Variants in RANBP10 observed in about 807,000 individuals in gnomAD.
RANBP10 encodes ran-binding protein 10.
A neutral mutation model predicts 72.8 loss-of-function variants in RANBP10; 24 were observed. The ratio of observed to expected loss-of-function variants is 0.33; its 90% CI spans 0.24 to 0.46. The LOEUF (loss-of-function observed/expected upper bound fraction) is 0.46. RANBP10 is among the 20% of genes least tolerant of loss of function. The pLI is 1.00. For synonymous variants in RANBP10, 310 were observed against 322.3 expected (o/e 0.96, Z 0.41); for missense variants, 679 against 817.5 (o/e 0.83, Z 2.07).
intron 2 of RANBP10, among the ~76,000 whole-genome samples, chr16:67,804,532 G>C (rs1020580239): frequency 7.9e-5 from 12 of 152,130 alleles, no homozygotes; most frequent in Admixed American, 7.2e-4. Flanking sequence ...CTCCCAAGTA[G>C]CTGGGATTAC....
At chr16:67,736,228 T>A (rs1278005098) in intron 5 of RANBP10, among the ~76,000 whole-genome samples, 1 of 151,950 alleles carries the variant, frequency 6.6e-6, no homozygotes, top group Non-Finnish European at 1.5e-5. Flanking sequence ...ATGGCGCGAT[T>A]TCAGCTCACC....
intron 2 of RANBP10, among the ~76,000 whole-genome samples, chr16:67,790,903 T>C (rs1216303515): frequency 6.6e-6 from 1 of 151,616 alleles, no homozygotes; most frequent in Non-Finnish European, 1.5e-5. Context: ...TCTCATCATG[T>C]TGACCAGGCT....
chr16:67,729,153 T>C lies in RANBP10; in HGVS notation c.1352+127A>G. 6.7e-7 allele frequency: 1 copy of C among 1,492,938 alleles called. No homozygotes were observed. The highest frequency in any genetic ancestry group is 1.4e-5 in the African/African-American group (1 of 71,176). 92.5% of individuals were successfully genotyped at this position (1,492,938 alleles called of 1,614,324 possible). A position where few individuals can be genotyped will look rare whatever the true frequency, so the allele number is the denominator to read the frequency against. ...ATGTCTGGCCCGGTGGGCCAAAAATTAGGACTCCAGGCACAGACCTGAGAT... is the reference window on the plus strand; with the variant it reads ...ATGTCTGGCCCGGTGGGCCAAAAATCAGGACTCCAGGCACAGACCTGAGAT... On this transcript the variant is annotated intron_variant, in intron 10 of 13. Transcript: ENST00000317506. The surrounding 1 kb of genome is among the most constrained non-coding windows in gnomAD (Gnocchi z 7.1).
chr16:67,772,148 C>A, intron 2 of RANBP10, 62 bp from the exon 3 acceptor site: 1 of 1,530,270 alleles, frequency 6.5e-7, no homozygotes, highest in South Asian at 1.2e-5. Context: ...ATGCGTCTCC[C>A]TTCTCAAACA....
At chr16:67,752,443 T>C (rs2054214735) in intron 3 of RANBP10, among the ~76,000 whole-genome samples, 1 of 152,158 alleles carries the variant, frequency 6.6e-6, no homozygotes, top group African/African-American at 2.4e-5. Context: ...CCTGCCAATA[T>C]CTGGATTTTA....
At chr16:67,775,734 G>C (rs1394820776) in intron 2 of RANBP10, among the ~76,000 whole-genome samples, 1 of 139,444 alleles carries the variant, frequency 7.2e-6, no homozygotes, top group East Asian at 2.3e-4. Context: ...GAGCCCAGGA[G>C]ATCAAGACTG....
At chr16:67,762,541 T>C (rs927171168) in intron 3 of RANBP10, 1 of 152,146 alleles carries the variant, frequency 6.6e-6, no homozygotes, top group Non-Finnish European at 1.5e-5. Context: ...TATTTCCCCA[T>C]ATGACCAAAT....
At chr16:67,731,249 A>G in intron 7 of RANBP10, 1 of 481,858 alleles carries the variant, frequency 2.1e-6, no homozygotes, top group South Asian at 2.3e-5. Flanking sequence ...AGCCTTCAGA[A>G]TGTGCATTAG....
intron 2 of RANBP10, among the ~76,000 whole-genome samples, chr16:67,795,909 AT>A (rs933597465): frequency 1.3e-4 from 20 of 148,854 alleles, no homozygotes; most frequent in African/African-American, 5.0e-4. Context: ...AAATAAAAAT[AT>A]TTTGATTTTT....
intron 4 of RANBP10, among the ~76,000 whole-genome samples, chr16:67,740,814 G>C (rs960815082): frequency 6.6e-6 from 1 of 152,206 alleles, no homozygotes; most frequent in Admixed American, 6.5e-5. Flanking sequence ...CGCATGGTCT[G>C]CCTGTCTGAA....
chr16:67,806,325 C>T lies in RANBP10; in HGVS notation c.212G>A (p.Gly71Asp). 6.2e-7 allele frequency: 1 copy of T among 1,613,038 alleles called. No homozygotes were observed. The highest frequency in any genetic ancestry group is 8.5e-7 in the Non-Finnish European group (1 of 1,179,560). ...DKYNYIGLSQ[G>D]NLRVHYKGHG... ...ACCTTTGTAGTGGACGCGGAGGTTG[C>T]CCTGGGAGAGACCAATGTAGTTGTA... is the stretch of plus-strand genomic sequence containing the variant. Residue 71 changes from glycine (G) to aspartate (D), a missense_variant, in exon 1 of 14, where the codon GGC becomes GAC. Gly to Asp is a moderately conservative substitution (Grantham distance 94). Coordinates refer to ENST00000317506, the MANE Select transcript of RANBP10 (RefSeq NM_020850.3).
intron 2 of RANBP10, among the ~76,000 whole-genome samples, chr16:67,794,322 C>T (rs2055085660): frequency 6.6e-6 from 1 of 151,768 alleles, no homozygotes; most frequent in Admixed American, 6.6e-5. Context: ...CCTGTAACCT[C>T]AGCTCTCAGG....
intron 2 of RANBP10, among the ~76,000 whole-genome samples, chr16:67,800,183 G>GGAAT (rs887364738): frequency 2.6e-5 from 4 of 152,038 alleles, no homozygotes; most frequent in East Asian, 1.9e-4. Flanking sequence ...CCTGGTGTCT[G>GGAAT]GAATGAATGA....
chr16:67,737,192 CTTTTTTTTTTTTTTT>C (rs71145979), intron 5 of RANBP10, among the ~76,000 whole-genome samples: 11 of 75,980 alleles, frequency 1.4e-4, no homozygotes, highest in African/African-American at 5.6e-4. Flanking sequence ...CCATCCTTTT[CTTTTTTTTTTTTTTT>C]TTTTTTTTTT....
intron 3 of RANBP10, among the ~76,000 whole-genome samples, chr16:67,748,367 A>T (rs917724737): frequency 6.6e-6 from 1 of 151,420 alleles, no homozygotes; most frequent in Admixed American, 6.6e-5. Flanking sequence ...CAAAAATACA[A>T]AAAAAATTAG....
rs1310299763 is a variant in RANBP10 at position 67,723,890 on chromosome 16, C to G, written c.*2538G>C. 1 of 152,638 alleles carries G rather than the reference C, an allele frequency of 6.6e-6. No homozygotes were observed. The highest frequency in any genetic ancestry group is 6.5e-5 in the Admixed American group (1 of 15,302). The allele number at this position is 152,638 out of a possible 1,614,324, so 9.5% of individuals were successfully genotyped here. A position where few individuals can be genotyped will look rare whatever the true frequency, so the allele number is the denominator to read the frequency against. On this transcript the variant is annotated 3_prime_UTR_variant, in exon 14 of 14. Coordinates refer to ENST00000317506, the MANE Select transcript of RANBP10 (RefSeq NM_020850.3). ...TCAGCAAGAGAGTGGGCTCAAGCAG[C>G]TTGGTTTTGGCCCTCTCCACAGCTT...
chr16:67,794,582 G>T (rs1182930947), intron 2 of RANBP10, among the ~76,000 whole-genome samples: 1 of 145,550 alleles, frequency 6.9e-6, no homozygotes, highest in African/African-American at 2.5e-5. Context: ...GAGTGCAGTG[G>T]CACGATCTCG....
chr16:67,774,290 TTTGGA>T (rs2054657573), intron 2 of RANBP10, among the ~76,000 whole-genome samples: 1 of 152,222 alleles, frequency 6.6e-6, no homozygotes, highest in African/African-American at 2.4e-5. Flanking sequence ...AGGGTTTATG[TTTGGA>T]GCACATGTGC....
intron 2 of RANBP10, among the ~76,000 whole-genome samples, chr16:67,793,660 T>C (rs1446670365): frequency 6.6e-6 from 1 of 152,102 alleles, no homozygotes; most frequent in Non-Finnish European, 1.5e-5. Flanking sequence ...GGAGACATTA[T>C]TTAAGTAGCC....
Sources: allele counts gnomAD v4.1 joint callset (sites outside exome capture counted in the v4.1 genomes callset), GRCh38; gene constraint gnomAD v4.1.1; non-coding constraint Gnocchi (gnomAD v3.1); transcripts MANE v1.5; gene names NCBI Gene and HGNC (gene_info 2026-07-23, HGNC 2026-07-21).